Variants in BBS9 observed in about 807,000 individuals in gnomAD.
The protein encoded by BBS9 is protein PTHB1.
A neutral mutation model predicts 117.7 loss-of-function variants in BBS9; 89 were observed. The observed-to-expected ratio is 0.76, with a 90% CI of 0.64 to 0.90. The LOEUF is 0.90. BBS9 is among the 40% of genes least tolerant of loss of function. BBS9 has a pLI of 0.00. For missense variants in BBS9, 982 were observed against 1,042.2 expected (o/e 0.94, Z 0.80); for synonymous variants, 379 against 370.9 (o/e 1.02, Z -0.25).
intron 20 of BBS9, among the ~76,000 whole-genome samples, chr7:33,514,332 C>T (rs13245082): frequency 0.57 from 85,916 of 151,982 alleles, 24,590 homozygotes; most frequent in Admixed American, 0.66. Flanking sequence ...ACTGAACCAG[C>T]AAACAAACAG....
intron 19 of BBS9, among the ~76,000 whole-genome samples, chr7:33,462,955 C>T (rs1288474198): frequency 2.6e-5 from 4 of 152,058 alleles, no homozygotes; most frequent in East Asian, 3.9e-4. Context: ...TCACTTTGCA[C>T]GTTAAACATT....
chr7:33,286,322 G>A (rs1310328844), intron 9 of BBS9, among the ~76,000 whole-genome samples: 1 of 152,114 alleles, frequency 6.6e-6, no homozygotes, highest in African/African-American at 2.4e-5. Context: ...GGGGGATTCA[G>A]TTGCAGTAGG....
At chr7:33,251,373 C>T (rs1389070168) in intron 5 of BBS9, among the ~76,000 whole-genome samples, 1 of 152,176 alleles carries the variant, frequency 6.6e-6, no homozygotes, top group East Asian at 1.9e-4. Context: ...ATCACTGTGA[C>T]TACTGGGGTA....
At chr7:33,240,309 G>A (rs957081156) in intron 5 of BBS9, among the ~76,000 whole-genome samples, 1 of 149,942 alleles carries the variant, frequency 6.7e-6, no homozygotes, top group Non-Finnish European at 1.5e-5. Context: ...CCATAGTGGA[G>A]TGCAGTGCCA....
chr7:33,256,991 A>C lies in BBS9; in HGVS notation c.443-245A>C, dbSNP rs572571302. ...TACCATCATCTCAGTAAATTTTAAG[A>C]ACTGTGAATATTGTGCTTAATACTG... On this transcript the variant is annotated intron_variant, in intron 5 of 22. Transcript: ENST00000242067. Among the ~76,000 whole-genome samples the C allele has an allele frequency of 1.1e-4, 17 of 152,264 alleles. No homozygotes were observed. The East Asian group carries it at 3.3e-3, about 29-fold the overall frequency.
chr7:33,424,848 T>C (rs1003852917), intron 19 of BBS9, among the ~76,000 whole-genome samples: 2 of 152,188 alleles, frequency 1.3e-5, no homozygotes, highest in African/African-American at 4.8e-5. Context: ...AAGTTCCTGT[T>C]ATAACTTAAG....
At chr7:33,339,038 A>G (rs143062750) in intron 10 of BBS9, among the ~76,000 whole-genome samples, 26 of 152,310 alleles carry the variant, frequency 1.7e-4, no homozygotes, top group Admixed American at 3.3e-4. Flanking sequence ...ATTTTGTGAC[A>G]TTGTTCATTT....
At chr7:33,268,602 C>A (rs1799215196) in intron 7 of BBS9, among the ~76,000 whole-genome samples, 1 of 152,138 alleles carries the variant, frequency 6.6e-6, no homozygotes, top group Admixed American at 6.5e-5. Context: ...GATGCTAAAT[C>A]ATTTCCTTAT....
intron 21 of BBS9, among the ~76,000 whole-genome samples, chr7:33,558,503 TG>T (rs975752584): frequency 1.3e-5 from 2 of 152,152 alleles, no homozygotes; most frequent in African/African-American, 4.8e-5. Context: ...CCAGGGTGAC[TG>T]GGGAGAATGA....
intron 14 of BBS9, 59 bp from the exon 15 acceptor site, chr7:33,352,800 C>A: frequency 6.4e-7 from 1 of 1,571,034 alleles, no homozygotes; most frequent in Non-Finnish European, 8.8e-7. Context: ...AACTTTACCA[C>A]AGATAATTTG....
In BBS9 at chr7:33,303,665, C is replaced by T. The variant is rs149300266; in HGVS notation, c.1016+29709C>T. Among the ~76,000 whole-genome samples, 553 of 152,034 alleles carry T rather than the reference C, an allele frequency of 3.6e-3. 3 individuals carry two copies. Among genetic ancestry groups the T allele is most frequent in the African/African-American group, 0.012 (486 of 41,490 alleles). On this transcript the variant is annotated intron_variant, in intron 9 of 22. Coordinates refer to ENST00000242067, the MANE Select transcript of BBS9 (RefSeq NM_198428.3). ...CTGGGATTGCAGGCATGTGCCGCCACGCCTGACTGGTTTTTGTATTTTTGG... is the reference window on the plus strand; with the variant it reads ...CTGGGATTGCAGGCATGTGCCGCCATGCCTGACTGGTTTTTGTATTTTTGG...
At chr7:33,330,143 A>T (rs1028858879) in intron 9 of BBS9, among the ~76,000 whole-genome samples, 1 of 151,830 alleles carries the variant, frequency 6.6e-6, no homozygotes, top group African/African-American at 2.4e-5. Flanking sequence ...CCTCCCAAGT[A>T]GCTGGGACTA....
intron 21 of BBS9, among the ~76,000 whole-genome samples, chr7:33,569,632 G>T (rs887400902): frequency 6.6e-6 from 1 of 151,716 alleles, no homozygotes; most frequent in African/African-American, 2.4e-5. Context: ...AAGGGTGGCT[G>T]GCGCCTATAG....
At chr7:33,540,189 A>G (rs762761532) in intron 21 of BBS9, among the ~76,000 whole-genome samples, 5 of 152,226 alleles carry the variant, frequency 3.3e-5, no homozygotes, top group Admixed American at 1.3e-4. Flanking sequence ...AGAGGACAAG[A>G]ATTAGTTTAA....
chr7:33,592,178 G>A (rs181311882), intron 21 of BBS9, among the ~76,000 whole-genome samples: 32 of 152,106 alleles, frequency 2.1e-4, no homozygotes, highest in Admixed American at 1.6e-3. Context: ...GTATTTGGCT[G>A]TAACTTGTAA....
intron 9 of BBS9, among the ~76,000 whole-genome samples, chr7:33,333,917 T>A (rs950716977): frequency 5.9e-5 from 9 of 151,302 alleles, no homozygotes; most frequent in Non-Finnish European, 1.3e-4. Flanking sequence ...CAGCCTATAA[T>A]GTCTTTTGCA....
intron 19 of BBS9, among the ~76,000 whole-genome samples, chr7:33,480,043 T>G (rs1037326397): frequency 6.6e-6 from 1 of 152,214 alleles, no homozygotes; most frequent in African/African-American, 2.4e-5. Context: ...TCAAGCTTGT[T>G]GACTTTTTGC....
At chr7:33,444,654 G>A (rs187641184) in intron 19 of BBS9, among the ~76,000 whole-genome samples, 5 of 152,338 alleles carry the variant, frequency 3.3e-5, no homozygotes, top group East Asian at 3.9e-4. Context: ...TCCAAAGAAC[G>A]TGTACTAAAT....
At chr7:33,565,807 A>ATATATATG (rs1554539656) in intron 21 of BBS9, among the ~76,000 whole-genome samples, 2 of 52,290 alleles carry the variant, frequency 3.8e-5, no homozygotes, top group African/African-American at 1.6e-4. Context: ...ATATATATAT[A>ATATATATG]TATATATATA....
Sources: gnomAD v4.1 joint callset for allele counts (sites outside exome capture counted in the v4.1 genomes callset) on GRCh38, gnomAD v4.1.1 for gene constraint, MANE v1.5 for transcripts, NCBI Gene and HGNC (gene_info 2026-07-23, HGNC 2026-07-21) for gene names.